Variants in SPIDR observed in about 807,000 individuals in gnomAD.
The protein encoded by SPIDR is scaffold protein involved in DNA repair.
A neutral mutation model predicts 104.6 loss-of-function variants in SPIDR; 93 were observed. The observed-to-expected ratio is 0.89, with a 90% CI of 0.75 to 1.06. SPIDR has a LOEUF of 1.06. SPIDR is among the 50% of genes least tolerant of loss of function. The pLI is 0.00. For synonymous variants in SPIDR, 431 were observed against 416.9 expected (o/e 1.03, Z -0.41); for missense variants, 1,154 against 1,111.2 (o/e 1.04, Z -0.55).
intron 5 of SPIDR, among the ~76,000 whole-genome samples, chr8:47,352,976 C>T (rs542530930): frequency 4.0e-5 from 6 of 150,380 alleles, no homozygotes; most frequent in Non-Finnish European, 7.4e-5. Flanking sequence ...ATTGCTTGAA[C>T]CCAGGAGGCA....
intron 5 of SPIDR, among the ~76,000 whole-genome samples, chr8:47,334,652 A>C (rs149984838): frequency 9.8e-5 from 15 of 152,296 alleles, no homozygotes; most frequent in Non-Finnish European, 2.2e-4. Flanking sequence ...ATGTATCTTT[A>C]CATATGAAGT....
intron 8 of SPIDR, among the ~76,000 whole-genome samples, chr8:47,575,603 C>T (rs1297898799): frequency 1.4e-5 from 2 of 144,552 alleles, no homozygotes; most frequent in Non-Finnish European, 1.5e-5. Flanking sequence ...GCCGAGATCG[C>T]GCCACTGCAC....
At chr8:47,447,433 C>T (rs527279392) in intron 8 of SPIDR, among the ~76,000 whole-genome samples, 54 of 152,178 alleles carry the variant, frequency 3.5e-4, no homozygotes, top group African/African-American at 1.1e-3. Flanking sequence ...AGGCTGGTGT[C>T]GAACTCCTGA....
intron 7 of SPIDR, among the ~76,000 whole-genome samples, chr8:47,430,348 T>C (rs1273874107): frequency 6.6e-6 from 1 of 152,258 alleles, no homozygotes; most frequent in Non-Finnish European, 1.5e-5. Flanking sequence ...CATGCCTTAT[T>C]CTGGCTCATC....
intron 5 of SPIDR, among the ~76,000 whole-genome samples, chr8:47,337,324 T>G (rs1412518586): frequency 6.6e-6 from 1 of 152,146 alleles, no homozygotes; most frequent in Non-Finnish European, 1.5e-5. Context: ...AGAGACAAGG[T>G]TCTGCTGTGT....
intron 4 of SPIDR, among the ~76,000 whole-genome samples, chr8:47,293,138 G>GT (rs1190152882): frequency 8.6e-5 from 13 of 151,736 alleles, no homozygotes; most frequent in Admixed American, 3.9e-4. Flanking sequence ...TATAGTGGCT[G>GT]TTTTTTTTAA....
chr8:47,707,354 A>G (rs765483537), intron 14 of SPIDR, among the ~76,000 whole-genome samples: 1 of 151,840 alleles, frequency 6.6e-6, no homozygotes, highest in Non-Finnish European at 1.5e-5. Flanking sequence ...ACATCTTTTC[A>G]TGTGTTTACT....
chr8:47,602,122 G>A (rs529396333), intron 10 of SPIDR, among the ~76,000 whole-genome samples: 2 of 152,268 alleles, frequency 1.3e-5, no homozygotes, highest in African/African-American at 2.4e-5. Context: ...CATGTAGCAC[G>A]AATATTATTA....
chr8:47,548,030 T>C (rs949307391), intron 8 of SPIDR: 1 of 152,464 alleles, frequency 6.6e-6, no homozygotes, highest in Non-Finnish European at 1.5e-5. Flanking sequence ...TGTAATCTTT[T>C]CATTTTCATT....
chr8:47,714,282 G>A (rs148776287), intron 16 of SPIDR, among the ~76,000 whole-genome samples: 1 of 152,284 alleles, frequency 6.6e-6, no homozygotes, highest in Non-Finnish European at 1.5e-5. Flanking sequence ...GATGAATTGG[G>A]CATAGATGGA....
At position 47,669,313 on chromosome 8, in the gene SPIDR, T is replaced by G. The variant is rs546756443; in HGVS notation, c.1545-4488T>G. 4.6e-5 allele frequency among the ~76,000 whole-genome samples: 7 copies of G among 152,322 alleles called. No individual in the cohort carries two copies. In the East Asian group the frequency reaches 1.4e-3, roughly 29 times the overall value. On this transcript the variant is annotated intron_variant, in intron 10 of 19. Transcript: ENST00000297423. ...GAAAGCATTGACAAGTGGGTGGAAT[T>G]CAGCGCAGGCTGCTGATAAGCTGAC...
intron 1 of SPIDR, among the ~76,000 whole-genome samples, chr8:47,278,824 T>C (rs1554556354): frequency 3.3e-5 from 5 of 152,182 alleles, no homozygotes; most frequent in Admixed American, 6.5e-5. Flanking sequence ...TATACCTTCC[T>C]GTTGCTTATT....
At chr8:47,526,714 G>T (rs1472758447) in intron 8 of SPIDR, among the ~76,000 whole-genome samples, 1 of 152,200 alleles carries the variant, frequency 6.6e-6, no homozygotes, top group East Asian at 1.9e-4. Context: ...AAATGAAGCA[G>T]TCCAAAGCAG....
At chr8:47,600,885 C>T (rs1247634566) in intron 10 of SPIDR, among the ~76,000 whole-genome samples, 1 of 152,178 alleles carries the variant, frequency 6.6e-6, no homozygotes, top group East Asian at 1.9e-4. Context: ...GGAACTGAAT[C>T]ACCCTGACGA....
intron 14 of SPIDR, among the ~76,000 whole-genome samples, chr8:47,703,830 C>T (rs1435451226): frequency 6.6e-6 from 1 of 152,118 alleles, no homozygotes; most frequent in Non-Finnish European, 1.5e-5. Flanking sequence ...CCAAGTGTCT[C>T]CTGGTGTCCC....
At chr8:47,329,809 A>C (rs983405053) in intron 5 of SPIDR, among the ~76,000 whole-genome samples, 1 of 152,088 alleles carries the variant, frequency 6.6e-6, no homozygotes, top group African/African-American at 2.4e-5. Flanking sequence ...ATTGGTTCCT[A>C]TGGAATCCTG....
intron 5 of SPIDR, among the ~76,000 whole-genome samples, chr8:47,385,222 A>T (rs899326239): frequency 2.0e-5 from 3 of 152,042 alleles, no homozygotes; most frequent in African/African-American, 7.2e-5. Context: ...GAATATCTGT[A>T]TGTGTTCTTC....
intron 11 of SPIDR, among the ~76,000 whole-genome samples, chr8:47,699,968 A>G (rs1015336689): frequency 6.6e-6 from 1 of 152,226 alleles, no homozygotes; most frequent in East Asian, 1.9e-4. Context: ...GATAACCACT[A>G]AAAACATTCT....
intron 5 of SPIDR, among the ~76,000 whole-genome samples, chr8:47,304,678 G>A (rs2042824068): frequency 6.6e-6 from 1 of 152,146 alleles, no homozygotes; most frequent in Non-Finnish European, 1.5e-5. Flanking sequence ...GTCCCCAGAA[G>A]CATATGCCAC....
Sources: gnomAD v4.1 joint callset for allele counts (sites outside exome capture counted in the v4.1 genomes callset) on GRCh38, gnomAD v4.1.1 for gene constraint, MANE v1.5 for transcripts, NCBI Gene and HGNC (gene_info 2026-07-23, HGNC 2026-07-21) for gene names.